AMOTL1: variants seen among roughly 807,000 people sequenced by gnomAD.
AMOTL1 encodes the protein angiomotin-like protein 1.
In AMOTL1, 45 loss-of-function variants were observed where a neutral mutation model predicts 102.9. The observed-to-expected ratio is 0.44, with a 90% confidence interval of 0.34 to 0.56. The LOEUF is 0.56. AMOTL1 is among the 20% of genes least tolerant of loss of function. The pLI, the probability that AMOTL1 is intolerant of heterozygous loss-of-function variation, is 0.01. For missense variants in AMOTL1, 1,114 were observed against 1,225.6 expected, an observed-to-expected ratio of 0.91 and a Z score of 1.36; for synonymous variants, 481 against 484.7, an observed-to-expected ratio of 0.99 and a Z score of 0.10.
At chr11:94,788,250 T>C (rs768013619) in intron 1 of AMOTL1, among the ~76,000 whole-genome samples, 3 of 152,248 alleles carry the variant, frequency 2.0e-5, no homozygotes, top group Non-Finnish European at 4.4e-5. Context: ...TAGGTAATAG[T>C]TGGAAGTTGA....
At chr11:94,785,498 G>T (rs546852100) in intron 1 of AMOTL1, among the ~76,000 whole-genome samples, 15 of 152,246 alleles carry the variant, frequency 9.9e-5, no homozygotes, top group Admixed American at 2.6e-4. Context: ...GCTCTTATTG[G>T]TTATACTCTT....
chr11:94,708,181 A>G (rs773677183), intron 1 of AMOTL1, among the ~76,000 whole-genome samples: 4 of 151,896 alleles, frequency 2.6e-5, no homozygotes, highest in Non-Finnish European at 5.9e-5. Context: ...GGCTCACTCC[A>G]CTCCTAGTAT....
At chr11:94,738,650 A>T (rs758128854) in intron 2 of AMOTL1, among the ~76,000 whole-genome samples, 1 of 152,196 alleles carries the variant, frequency 6.6e-6, no homozygotes, top group Non-Finnish European at 1.5e-5. Flanking sequence ...CACCAGGTAA[A>T]TAGCATGGAA....
upstream of AMOTL1, among the ~76,000 whole-genome samples, chr11:94,764,539 A>G (rs1381911868): frequency 6.6e-6 from 1 of 152,192 alleles, no homozygotes; most frequent in Non-Finnish European, 1.5e-5. Context: ...ATGGAGAACT[A>G]CCAGTTGTAG....
At chr11:94,836,939 G>A (rs2135676835) in intron 6 of AMOTL1, among the ~76,000 whole-genome samples, 1 of 152,046 alleles carries the variant, frequency 6.6e-6, no homozygotes, top group African/African-American at 2.4e-5. Context: ...GTAGATAAAG[G>A]TTTTGGTAAC....
In AMOTL1 at chr11:94,785,291, T is replaced by C. The variant is rs115476266; in HGVS notation, c.50-9720T>C. 6.8e-3 allele frequency among the ~76,000 whole-genome samples: 1,039 copies of C among 152,282 alleles called. 10 individuals are homozygous for C. The highest frequency in any genetic ancestry group is 0.023 in the African/African-American group (969 of 41,572). ...TTAGTTTGCATTTATTGAGGGGTCTTTGGAGGGCAGAATGGTGTAGTCAAA... is the reference window on the plus strand; with the variant it reads ...TTAGTTTGCATTTATTGAGGGGTCTCTGGAGGGCAGAATGGTGTAGTCAAA... On this transcript the variant is annotated intron_variant, in intron 1 of 12. Coordinates refer to ENST00000433060, the MANE Select transcript of AMOTL1 (RefSeq NM_130847.3).
chr11:94,852,328 T>C (rs1365479802), intron 7 of AMOTL1, among the ~76,000 whole-genome samples: 1 of 152,238 alleles, frequency 6.6e-6, no homozygotes, highest in Admixed American at 6.5e-5. Context: ...AGGATATAGG[T>C]ATAACTCACA....
intron 1 of AMOTL1, among the ~76,000 whole-genome samples, chr11:94,708,251 A>G (rs1949963179): frequency 6.6e-6 from 1 of 152,230 alleles, no homozygotes; most frequent in African/African-American, 2.4e-5. Flanking sequence ...CCAGAGAAGA[A>G]CTTGAAATGC....
intron 3 of AMOTL1, among the ~76,000 whole-genome samples, chr11:94,754,999 C>T (rs1950703888): frequency 6.6e-6 from 1 of 152,138 alleles, no homozygotes; most frequent in African/African-American, 2.4e-5. Flanking sequence ...TTGGCTTGCT[C>T]TTAGTAGGTG....
At chr11:94,814,093 G>A (rs943652258) in intron 3 of AMOTL1, among the ~76,000 whole-genome samples, 1 of 150,848 alleles carries the variant, frequency 6.6e-6, no homozygotes, top group African/African-American at 2.5e-5. Flanking sequence ...ATTTAACTCT[G>A]GGATTTGGAA....
Position 94,797,561 on chromosome 11 carries a change from A to G in AMOTL1, c.200-1829A>G, listed in dbSNP as rs865870398. The stretch of plus-strand genomic sequence containing the variant: ...GAGAATTGCTGCAATGGAGATATAT[A>G]CAAATGGAGTGGGGACATTGGAGAA... On this transcript the variant is annotated intron_variant, in intron 2 of 12. Coordinates refer to ENST00000433060, the MANE Select transcript of AMOTL1 (RefSeq NM_130847.3). 1.1e-4 allele frequency among the ~76,000 whole-genome samples: 16 copies of G among 152,332 alleles called. No individual in the cohort carries two copies. In the Middle Eastern group the frequency reaches 0.01, roughly 97 times the overall value.
At chr11:94,847,929 G>A (rs1952451503) in intron 6 of AMOTL1, among the ~76,000 whole-genome samples, 1 of 152,136 alleles carries the variant, frequency 6.6e-6, no homozygotes, top group Non-Finnish European at 1.5e-5. Flanking sequence ...GTCAACATTA[G>A]TGTATACTTG....
At chr11:94,744,407 G>A (rs1950565314) in intron 3 of AMOTL1, among the ~76,000 whole-genome samples, 2 of 152,150 alleles carry the variant, frequency 1.3e-5, no homozygotes, top group Non-Finnish European at 2.9e-5. Context: ...CACCCTCCTG[G>A]CACATGGATA....
intron 1 of AMOTL1, among the ~76,000 whole-genome samples, chr11:94,724,192 G>T (rs960058475): frequency 6.6e-6 from 1 of 152,096 alleles, no homozygotes; most frequent in Non-Finnish European, 1.5e-5. Context: ...CCCTCTACTT[G>T]TAACCAAGAT....
chr11:94,818,007 A>G (rs1405534847), intron 3 of AMOTL1, among the ~76,000 whole-genome samples: 1 of 152,202 alleles, frequency 6.6e-6, no homozygotes, highest in Non-Finnish European at 1.5e-5. Context: ...TCTGAAGCAT[A>G]TATCTCTCTA....
upstream of AMOTL1, among the ~76,000 whole-genome samples, chr11:94,764,934 T>C (rs187441345): frequency 6.6e-6 from 1 of 152,318 alleles, no homozygotes; most frequent in African/African-American, 2.4e-5. Context: ...AGGCTCTCCG[T>C]GTCTAGAAAT....
At chr11:94,865,356 G>A (rs1405087253) in intron 10 of AMOTL1, among the ~76,000 whole-genome samples, 1 of 152,094 alleles carries the variant, frequency 6.6e-6, no homozygotes, top group Non-Finnish European at 1.5e-5. Context: ...CACTACCTAA[G>A]GGCTTGTGGA....
intron 3 of AMOTL1, among the ~76,000 whole-genome samples, chr11:94,802,912 T>G (rs1951502868): frequency 6.6e-6 from 1 of 152,230 alleles, no homozygotes; most frequent in Non-Finnish European, 1.5e-5. Flanking sequence ...CCCCTTTCAT[T>G]TCACTGACAC....
chr11:94,800,488 A>G (rs1355333019), intron 3 of AMOTL1, among the ~76,000 whole-genome samples, 177 bp downstream of exon 3: 1 of 152,166 alleles, frequency 6.6e-6, no homozygotes, highest in Non-Finnish European at 1.5e-5. Context: ...GTAGAGGGCA[A>G]CTGAGGGATT....
Sources: gnomAD v4.1 joint callset for allele counts (sites outside exome capture counted in the v4.1 genomes callset) on GRCh38, gnomAD v4.1.1 for gene constraint, MANE v1.5 for transcripts, NCBI Gene and HGNC (gene_info 2026-07-23, HGNC 2026-07-21) for gene names.